MYO1E: variants seen among roughly 807,000 people sequenced by gnomAD.
MYO1E encodes the protein unconventional myosin-Ie.
MYO1E carries 68 observed loss-of-function variants against 151.1 expected under a neutral mutation model. That is an observed-to-expected ratio of 0.45 (90% CI 0.37 to 0.55). The LOEUF (loss-of-function observed/expected upper bound fraction) is 0.55, where lower values mean the gene tolerates loss of function less well. Ranked by LOEUF, MYO1E falls within the 20% of genes least tolerant of loss-of-function variation. MYO1E has a pLI of 0.00. For missense variants in MYO1E, 1,363 were observed against 1,389.3 expected, an observed-to-expected ratio of 0.98 and a Z score of 0.30; for synonymous variants, 601 against 501.7, an observed-to-expected ratio of 1.20 and a Z score of -2.64.
chr15:59,349,995 G>A (rs1271786532), intron 1 of MYO1E, among the ~76,000 whole-genome samples: 1 of 152,308 alleles, frequency 6.6e-6, no homozygotes, highest in East Asian at 1.9e-4. Context: ...GAAAGGAGGG[G>A]TGGCTAGAAC....
At position 59,136,196 on chromosome 15, in the gene MYO1E, G is replaced by A. The variant is rs1244617227; in HGVS notation, c.*1184C>T. 1 of 153,972 alleles carries A rather than the reference G, an allele frequency of 6.5e-6. No individual in the cohort carries two copies. The highest frequency in any genetic ancestry group is 1.4e-5 in the Non-Finnish European group (1 of 69,194). 9.5% of individuals were successfully genotyped at this position (153,972 alleles called of 1,614,324 possible). The stretch of plus-strand genomic sequence containing the variant: ...TTTTCATCAGGACACCATTATATTG[G>A]ATTAAGACCCACTCTAATGACTTCA... On this transcript the variant is annotated 3_prime_UTR_variant, in exon 28 of 28. Coordinates refer to ENST00000288235, the MANE Select transcript of MYO1E (RefSeq NM_004998.4).
intron 5 of MYO1E, among the ~76,000 whole-genome samples, chr15:59,232,488 T>C (rs559782259): frequency 1.1e-3 from 166 of 152,316 alleles, no homozygotes; most frequent in African/African-American, 3.9e-3. Flanking sequence ...GGGGAAGGAT[T>C]TGTTTTTCAA....
intron 18 of MYO1E, among the ~76,000 whole-genome samples, chr15:59,182,859 T>G (rs1418094440): frequency 6.6e-6 from 1 of 152,156 alleles, no homozygotes; most frequent in Non-Finnish European, 1.5e-5. Flanking sequence ...CCAGGATTCA[T>G]GGAAGATAAT....
chr15:59,213,142 ATTATT>A (rs1239226300), intron 12 of MYO1E, among the ~76,000 whole-genome samples: 1 of 27,434 alleles, frequency 3.6e-5, no homozygotes, highest in African/African-American at 1.0e-4. Context: ...TTTATTTATT[ATTATT>A]ATTATTATTA....
chr15:59,183,142 T>C (rs767845667), intron 18 of MYO1E, among the ~76,000 whole-genome samples: 2 of 107,678 alleles, frequency 1.9e-5, no homozygotes, highest in African/African-American at 7.4e-5. Flanking sequence ...CTGCTGCGAG[T>C]TGGGGACCCC....
intron 1 of MYO1E, among the ~76,000 whole-genome samples, chr15:59,343,073 T>G (rs1308688202): frequency 6.6e-6 from 1 of 152,222 alleles, no homozygotes; most frequent in Non-Finnish European, 1.5e-5. Context: ...ATATTCTGTG[T>G]TTTTCTGTGT....
At chr15:59,313,349 T>A (rs1261141469) in intron 1 of MYO1E, among the ~76,000 whole-genome samples, 2 of 152,156 alleles carry the variant, frequency 1.3e-5, no homozygotes, top group Non-Finnish European at 2.9e-5. Context: ...TGAAGGATAT[T>A]TGGAAAAATT....
intron 1 of MYO1E, among the ~76,000 whole-genome samples, chr15:59,371,016 G>A (rs543550648): frequency 2.0e-5 from 3 of 152,288 alleles, no homozygotes; most frequent in African/African-American, 7.2e-5. Flanking sequence ...GTAACGTAGA[G>A]TAGACTGACT....
chr15:59,152,143 C>T (rs1596343377), intron 26 of MYO1E, among the ~76,000 whole-genome samples: 1 of 152,078 alleles, frequency 6.6e-6, no homozygotes, highest in African/African-American at 2.4e-5. Context: ...GCAGGAGAAT[C>T]ACTTGAACCT....
At chr15:59,165,188 A>AAG (rs1461750592) in intron 22 of MYO1E, among the ~76,000 whole-genome samples, 1 of 152,158 alleles carries the variant, frequency 6.6e-6, no homozygotes, top group Non-Finnish European at 1.5e-5. Flanking sequence ...ACAGGAGAAA[A>AAG]AGAGGTCGAA....
chr15:59,147,844 T>TG (rs1313848376), intron 26 of MYO1E, among the ~76,000 whole-genome samples: 1 of 152,014 alleles, frequency 6.6e-6, no homozygotes, highest in Non-Finnish European at 1.5e-5. Context: ...CTCCTTGTCT[T>TG]GGCTTCCCTA....
At chr15:59,372,234 C>G (rs2080950534) in intron 1 of MYO1E, among the ~76,000 whole-genome samples, 1 of 152,134 alleles carries the variant, frequency 6.6e-6, no homozygotes, top group Admixed American at 6.5e-5. Context: ...CTTCCGACAG[C>G]TGGCAGCCAT....
chr15:59,324,666 C>A (rs1452540299), intron 1 of MYO1E, among the ~76,000 whole-genome samples: 2 of 149,802 alleles, frequency 1.3e-5, no homozygotes, highest in East Asian at 1.9e-4. Context: ...ATCCCAAGCC[C>A]CCCCCCCACA....
chr15:59,368,961 C>A (rs1422701372), intron 1 of MYO1E, among the ~76,000 whole-genome samples: 1 of 152,180 alleles, frequency 6.6e-6, no homozygotes, highest in African/African-American at 2.4e-5. Flanking sequence ...ATGTCCCGGA[C>A]TCTAGGTATT....
Position 59,222,345 on chromosome 15 carries a change from T to C in MYO1E, c.910+714A>G, listed in dbSNP as rs188403562. On this transcript the variant is annotated intron_variant, in intron 9 of 27. Coordinates refer to ENST00000288235, the MANE Select transcript of MYO1E (RefSeq NM_004998.4). ...GTTCTGAGAGCAGCCTGCAAGCTGT[T>C]GATGCCTAAGAGGCTAAAGTCATGT... Among the ~76,000 whole-genome samples the C allele has an allele frequency of 3.3e-3, 503 of 152,330 alleles. 1 individual carries two copies. Among genetic ancestry groups the C allele is most frequent in the Non-Finnish European group, 5.5e-3 (372 of 68,006 alleles).
intron 1 of MYO1E, among the ~76,000 whole-genome samples, chr15:59,335,208 T>C (rs1157893087): frequency 6.6e-6 from 1 of 152,224 alleles, no homozygotes; most frequent in African/African-American, 2.4e-5. Context: ...AAGTGCAATT[T>C]TGACGTTCAA....
chr15:59,172,941 T>A (rs1341610682), intron 21 of MYO1E, among the ~76,000 whole-genome samples: 1 of 152,272 alleles, frequency 6.6e-6, no homozygotes, highest in Non-Finnish European at 1.5e-5. Flanking sequence ...TAGCAAAACA[T>A]GCTTCCGTTG....
chr15:59,266,451 C>T (rs747000245), intron 2 of MYO1E, among the ~76,000 whole-genome samples: 40 of 152,024 alleles, frequency 2.6e-4, no homozygotes, highest in Admixed American at 2.0e-4. Flanking sequence ...AATGCCTGCC[C>T]GTGGATCTAT....
intron 1 of MYO1E, among the ~76,000 whole-genome samples, chr15:59,318,302 C>T (rs950268475): frequency 6.6e-6 from 1 of 152,128 alleles, no homozygotes. Flanking sequence ...AACTAAGTCT[C>T]GAAATGCTTC....
Sources: gnomAD v4.1 joint callset for allele counts (sites outside exome capture counted in the v4.1 genomes callset) on GRCh38, gnomAD v4.1.1 for gene constraint, MANE v1.5 for transcripts, NCBI Gene and HGNC (gene_info 2026-07-23, HGNC 2026-07-21) for gene names.